The following TIE1 variants were observed in gnomAD, a reference collection of about 807,000 sequenced individuals.
TIE1 encodes the protein tyrosine-protein kinase receptor Tie-1.
In TIE1, 89 loss-of-function variants were observed where a neutral mutation model predicts 130.5. That is an observed-to-expected ratio of 0.68 (90% CI 0.57 to 0.81). The LOEUF (loss-of-function observed/expected upper bound fraction) is 0.81. Ranked by LOEUF, TIE1 falls within the 40% of genes least tolerant of loss-of-function variation. The probability of loss-of-function intolerance (pLI) is 0.00; values close to 1 mark genes in which losing one functional copy is unlikely to be tolerated. For synonymous variants in TIE1, 568 were observed against 629.4 expected (o/e 0.90, Z 1.46); for missense variants, 1,392 against 1,559.8 (o/e 0.89, Z 1.81).
intron 1 of TIE1, 51 bp downstream of exon 1, chr1:43,301,180 T>C: frequency 1.9e-6 from 3 of 1,586,900 alleles, no homozygotes; most frequent in Admixed American, 1.8e-5. Context: ...GAGGCCCTGA[T>C]TTCTACCCAA....
Position 43,312,401 on chromosome 1 carries a change from T to C in TIE1, c.1727T>C (p.Val576Ala), listed in dbSNP as rs1261905614. ...TTGCCCTTGGTGCCCGGGCCACTGGTGGGCGACGGTTTCCTGCTGCGCCTG... is the reference window on the plus strand; with the variant it reads ...TTGCCCTTGGTGCCCGGGCCACTGGCGGGCGACGGTTTCCTGCTGCGCCTG... Reference protein sequence around the residue: ...WSLPLVPGPLVGDGFLLRLWD... With the variant: ...WSLPLVPGPLAGDGFLLRLWD... Residue 576 changes from valine to alanine, a missense_variant, in exon 12 of 23, where the codon GTG becomes GCG. Transcript: ENST00000372476. The surrounding 1 kb of genome is among the most constrained non-coding windows in gnomAD (Gnocchi z 5.6). 1.2e-6 allele frequency: 2 copies of C among 1,606,804 alleles called. No individual in the cohort carries two copies. The highest frequency in any genetic ancestry group is 1.7e-6 in the Non-Finnish European group (2 of 1,176,864).
In TIE1 at chr1:43,313,114, C is replaced by T. The variant is rs1448608366; in HGVS notation, c.1928-21C>T. 2 of 1,588,594 alleles carry T rather than the reference C, an allele frequency of 1.3e-6. No homozygotes were observed. Among genetic ancestry groups the T allele is most frequent in the East Asian group, 2.2e-5 (1 of 44,714 alleles). On this transcript the variant is annotated intron_variant, in intron 12 of 22. Transcript: ENST00000372476. The surrounding 1 kb of genome is among the most constrained non-coding windows in gnomAD (Gnocchi z 6.2). ...TAGCCCGGTCCTATCTGAGCCTTGCCTTCCCCCACCATCTCCCCAGGGCCT... is the reference window on the plus strand; with the variant it reads ...TAGCCCGGTCCTATCTGAGCCTTGCTTTCCCCCACCATCTCCCCAGGGCCT...
chr1:43,306,342 C>T lies in TIE1; in HGVS notation c.485-498C>T, dbSNP rs1433256475. Among the ~76,000 whole-genome samples, 4 of 152,152 alleles carry T rather than the reference C, an allele frequency of 2.6e-5. No homozygotes were observed. The highest frequency in any genetic ancestry group is 4.1e-4 in the South Asian group (2 of 4,832). On this transcript the variant is annotated intron_variant, in intron 3 of 22. Transcript: ENST00000372476. This position sits in a 1 kb window ranked among gnomAD's most constrained non-coding sequence, Gnocchi z 4.9. Reference sequence around the variant, plus strand: ...TTAGGAGTCAAGAAGGGTGTGAAGACGAATGGGGCTGGATGGCTTGGCCAC... The same window carrying T: ...TTAGGAGTCAAGAAGGGTGTGAAGATGAATGGGGCTGGATGGCTTGGCCAC...
At chr1:43,303,622 C>T (rs1646692377) in intron 1 of TIE1, among the ~76,000 whole-genome samples, 1 of 152,138 alleles carries the variant, frequency 6.6e-6, no homozygotes, top group Admixed American at 6.5e-5. Context: ...CGCAGGCTCT[C>T]CACCGTCCAG....
intron 7 of TIE1, among the ~76,000 whole-genome samples, chr1:43,308,350 GGGACCCA>G: frequency 6.6e-6 from 1 of 151,424 alleles, no homozygotes; most frequent in Non-Finnish European, 1.5e-5. Context: ...AGTGGAGTAG[GGGACCCA>G]GGGATTGGGG....
At position 43,305,124 on chromosome 1, in the gene TIE1, C is replaced by A. The variant is rs1398158830; in HGVS notation, c.332C>A (p.Ala111Glu). 2 of 1,613,684 alleles carry A rather than the reference C, an allele frequency of 1.2e-6. No homozygotes were observed. The highest frequency in any genetic ancestry group is 1.7e-5 in the Admixed American group (1 of 59,992). The change falls in exon 2 of 23, where the codon GCG becomes GAG. Residue 111 changes from alanine (A) to glutamate (E), a missense_variant. Physicochemically the swap from Ala to Glu is moderately radical, Grantham distance 107 (BLOSUM62 -1). Coordinates refer to ENST00000372476, the MANE Select transcript of TIE1 (RefSeq NM_005424.5). ...GVFSCVGGAG[A>E]RRTRVIYVHN... ...TTCTCCTGCGTGGGCGGTGCTGGGG[C>A]GCGGCGCACGCGCGTCATCTACGTG...
Position 43,321,624 on chromosome 1 carries a change from T to C in TIE1, c.3254T>C (p.Leu1085Pro). The C allele has an allele frequency of 6.4e-7, 1 of 1,554,242 alleles. No individual in the cohort carries two copies. Among genetic ancestry groups the C allele is most frequent in the Non-Finnish European group, 8.7e-7 (1 of 1,148,398 alleles). Residue 1085 changes from leucine to proline, a missense_variant, in exon 22 of 23, where the codon CTG (leucine) becomes CCG (proline). Transcript: ENST00000372476. ...PRNCDDEVYE[L>P]MRQCWRDRPY... ...GCAATGCCCCCTCGCAGGTACGAGCTGATGCGTCAGTGCTGGCGGGACCGT... is the reference window on the plus strand; with the variant it reads ...GCAATGCCCCCTCGCAGGTACGAGCCGATGCGTCAGTGCTGGCGGGACCGT...
chr1:43,313,348 A>G lies in TIE1; in HGVS notation c.2141A>G (p.Tyr714Cys), dbSNP rs1216994249. ...IIRGLNASTRYLFRMRASIQG... is the reference protein window; with the variant it reads ...IIRGLNASTRCLFRMRASIQG... ...CGTGGCCTCAACGCCAGCACGCGCT[A>G]CCTCTTCCGCATGCGGGCCAGCATT... Residue 714 changes from tyrosine (Y) to cysteine (C), a missense_variant, in exon 13 of 23, where the codon TAC (tyrosine) becomes TGC (cysteine). Around this residue, in one of 6 missense-constraint regions of TIE1, gnomAD observed 551 missense variants for 565.5 expected, o/e 0.97. Transcript: ENST00000372476. The surrounding 1 kb of genome is among the most constrained non-coding windows in gnomAD (Gnocchi z 6.2). 3 of 1,613,980 alleles carry G rather than the reference A, an allele frequency of 1.9e-6. No individual in the cohort carries two copies. The highest frequency in any genetic ancestry group is 2.5e-6 in the Non-Finnish European group (3 of 1,179,938).
At chr1:43,321,531 T>A in intron 21 of TIE1, 39 bp downstream of exon 21, 1 of 1,579,528 alleles carries the variant, frequency 6.3e-7, no homozygotes, top group South Asian at 1.1e-5. Context: ...ATCCTATCTC[T>A]GTGATGAGTG....
In TIE1 at chr1:43,313,138, C is replaced by T. The variant is rs751745196; in HGVS notation, c.1931C>T (p.Pro644Leu). ...CCTTCCCCCACCATCTCCCCAGGGC[C>T]TCCAGCCCCCCGACACCTCCACGCC... ...PAHVLLPPSG[P>L]PAPRHLHAQA... The change falls in exon 13 of 23, where the codon CCT (proline) becomes CTT (leucine). Residue 644 changes from proline to leucine, a missense_variant. Transcript: ENST00000372476. The surrounding 1 kb of genome is among the most constrained non-coding windows in gnomAD (Gnocchi z 6.2). 1 of 1,600,138 alleles carries T rather than the reference C, an allele frequency of 6.2e-7. No homozygotes were observed. The highest frequency in any genetic ancestry group is 1.3e-5 in the African/African-American group (1 of 74,606).
chr1:43,320,745 C>T (rs998885388), intron 19 of TIE1: 2 of 152,206 alleles, frequency 1.3e-5, no homozygotes, highest in African/African-American at 4.8e-5. Context: ...GTCCCAGCTA[C>T]TTGGGAGGCT....
rs574475825 is a variant in TIE1, at chr1:43,322,570, C to T, written c.3346-81C>T. ...AACAAATCAGTGTCAGTTCAAATGC[C>T]CCCACCACATGGAAGTCCAGGAGCT... is the stretch of plus-strand genomic sequence containing the variant. On this transcript the variant is annotated intron_variant, in intron 22 of 22. Transcript: ENST00000372476. The surrounding 1 kb of genome is among the most constrained non-coding windows in gnomAD (Gnocchi z 4.0). 7 of 1,024,032 alleles carry T rather than the reference C, an allele frequency of 6.8e-6. No individual in the cohort carries two copies. Among genetic ancestry groups the T allele is most frequent in the South Asian group, 1.3e-5 (1 of 74,650 alleles). The allele number at this position is 1,024,032 out of a possible 1,614,324, so 63.4% of individuals were successfully genotyped here.
chr1:43,303,394 A>G (rs1259710425), intron 1 of TIE1, among the ~76,000 whole-genome samples: 1 of 152,178 alleles, frequency 6.6e-6, no homozygotes, highest in Non-Finnish European at 1.5e-5. Flanking sequence ...TGGAAAGAAT[A>G]TCCACTTCAC....
At position 43,315,003 on chromosome 1, in the gene TIE1, A is replaced by T. The variant is rs1646845730; in HGVS notation, c.2409+1035A>T. Among the ~76,000 whole-genome samples the T allele has an allele frequency of 1.1e-5, 1 of 90,914 alleles. No individual in the cohort carries two copies. Among genetic ancestry groups the T allele is most frequent in the Admixed American group, 1.0e-4 (1 of 9,586 alleles). The allele number at this position is 90,914 out of a possible 152,430, so 59.6% of individuals were successfully genotyped here. A position where few individuals can be genotyped will look rare whatever the true frequency, so the allele number is the denominator to read the frequency against. On this transcript the variant is annotated intron_variant, in intron 14 of 22. Coordinates refer to ENST00000372476, the MANE Select transcript of TIE1 (RefSeq NM_005424.5). The surrounding 1 kb of genome is among the most constrained non-coding windows in gnomAD (Gnocchi z 4.4). The stretch of plus-strand genomic sequence containing the variant: ...GCCTGCTCCTTGAAAGAGGAAGCAC[A>T]AACCTCCACTCCTCCTGGCTTCCCT...
Position 43,321,725 on chromosome 1 carries a change from C to A in TIE1, c.3345+10C>A. On this transcript the variant is annotated intron_variant, in intron 22 of 22. Coordinates refer to ENST00000372476, the MANE Select transcript of TIE1 (RefSeq NM_005424.5). Reference sequence around the variant, plus strand: ...GCTGGAAGCCAGGAAGGTGAGGAGACTGGGGCTGAGGTGGCGGGCTGGGCT... The same window carrying A: ...GCTGGAAGCCAGGAAGGTGAGGAGAATGGGGCTGAGGTGGCGGGCTGGGCT... The A allele has an allele frequency of 6.4e-7, 1 of 1,551,694 alleles. No individual in the cohort carries two copies. The highest frequency in any genetic ancestry group is 1.7e-4 in the Middle Eastern group (1 of 5,986).
In TIE1 at chr1:43,309,120, A is replaced by G. The variant is rs1427021517; in HGVS notation, c.1177A>G (p.Thr393Ala). The G allele has an allele frequency of 4.4e-6, 7 of 1,598,280 alleles. No homozygotes were observed. The highest frequency in any genetic ancestry group is 6.0e-6 in the Non-Finnish European group (7 of 1,169,590). ...GSIELRKPDG[T>A]VLLSTKAIVE... ...CATAGAGCTACGCAAGCCAGACGGC[A>G]CTGTGCTCCTGGTCAGCCCCCAATC... is the stretch of plus-strand genomic sequence containing the variant. The change falls in exon 8 of 23, where the codon ACT (threonine) becomes GCT (alanine). Residue 393 changes from threonine to alanine, a missense_variant. Physicochemically the swap from Thr to Ala is moderately conservative, Grantham distance 58. Around this residue, in one of 6 missense-constraint regions of TIE1, gnomAD observed 551 missense variants for 565.5 expected, o/e 0.97. Transcript: ENST00000372476. The surrounding 1 kb of genome is among the most constrained non-coding windows in gnomAD (Gnocchi z 6.3).
chr1:43,306,724 C>T lies in TIE1; in HGVS notation c.485-116C>T. ...GGCATAGGCTCTCGTGGTGCCGGCC[C>T]TAGGTCTCATCACTGTGCATGGGGC... On this transcript the variant is annotated intron_variant, in intron 3 of 22. Transcript: ENST00000372476. The surrounding 1 kb of genome is among the most constrained non-coding windows in gnomAD (Gnocchi z 4.9). The T allele has an allele frequency of 7.4e-7, 1 of 1,358,840 alleles. No homozygotes were observed. The highest frequency in any genetic ancestry group is 1.0e-6 in the Non-Finnish European group (1 of 1,002,906). 84.2% of individuals were successfully genotyped at this position (1,358,840 alleles called of 1,614,324 possible). A position where few individuals can be genotyped will look rare whatever the true frequency, so the allele number is the denominator to read the frequency against.
rs1209012853 is a variant in TIE1 at position 43,315,668 on chromosome 1, A to T, written c.2410-1531A>T. ...GTGAGACTCCATCTCAAAAAAAAAA[A>T]TCCATTCAGAGATTCAATTGGCTTC... On this transcript the variant is annotated intron_variant, in intron 14 of 22. Transcript: ENST00000372476. The surrounding 1 kb of genome is among the most constrained non-coding windows in gnomAD (Gnocchi z 4.4). Among the ~76,000 whole-genome samples the T allele has an allele frequency of 6.6e-6, 1 of 152,106 alleles. No homozygotes were observed. The highest frequency in any genetic ancestry group is 1.5e-5 in the Non-Finnish European group (1 of 67,998).
Position 43,316,897 on chromosome 1 carries a change from C to T in TIE1, c.2410-302C>T, listed in dbSNP as rs148387514. Among the ~76,000 whole-genome samples the T allele has an allele frequency of 6.4e-4, 97 of 152,316 alleles. 1 individual carries two copies. The East Asian group carries it at 0.018, about 28-fold the overall frequency. On this transcript the variant is annotated intron_variant, in intron 14 of 22. Transcript: ENST00000372476. The surrounding 1 kb of genome is among the most constrained non-coding windows in gnomAD (Gnocchi z 4.4). ...CATTGTGGCTTCTAGCAACTTTACC[C>T]ACAAGCCCTGGTTCTGCCTTCCAGA...
Sources: gnomAD v4.1 joint callset for allele counts (sites outside exome capture counted in the v4.1 genomes callset) on GRCh38, gnomAD v4.1.1 for gene constraint, gnomAD v4.1.1 regional missense constraint, Gnocchi (gnomAD v3.1) non-coding constraint, MANE v1.5 for transcripts, NCBI Gene and HGNC (gene_info 2026-07-23, HGNC 2026-07-21) for gene names.